Variants in CEP63 observed in about 807,000 individuals in gnomAD.
The protein encoded by CEP63 is centrosomal protein 63, also known as centrosomal protein of 63 kDa.
A neutral mutation model predicts 89.1 loss-of-function variants in CEP63; 84 were observed. That is an observed-to-expected ratio of 0.94 (90% CI 0.79 to 1.13). The LOEUF (loss-of-function observed/expected upper bound fraction) is 1.13, where lower values mean the gene tolerates loss of function less well. CEP63 is among the 50% of genes most tolerant of loss of function. The probability of loss-of-function intolerance (pLI) is 0.00; values close to 1 mark genes in which losing one functional copy is unlikely to be tolerated. For synonymous variants in CEP63, 267 were observed against 272.5 expected (o/e 0.98, Z 0.20); for missense variants, 838 against 813.3 (o/e 1.03, Z -0.37).
intron 2 of CEP63, among the ~76,000 whole-genome samples, chr3:134,496,593 G>A (rs1271577977): frequency 6.6e-6 from 1 of 152,176 alleles, no homozygotes; most frequent in Non-Finnish European, 1.5e-5. Flanking sequence ...TATCAAGACA[G>A]CTGTTTTGAG....
chr3:134,711,885 C>T, the CEP63 span, among the ~76,000 whole-genome samples: 57 of 151,750 alleles, frequency 3.8e-4, 1 homozygote, highest in East Asian at 0.01. Context: ...GCTTCAGGCT[C>T]CTGGGTAGCT....
the CEP63 span, among the ~76,000 whole-genome samples, chr3:134,659,772 A>C: frequency 6.6e-6 from 1 of 152,206 alleles, no homozygotes; most frequent in Non-Finnish European, 1.5e-5. Context: ...AGCTAAGAGC[A>C]GCCTTTTGAT....
the CEP63 span, among the ~76,000 whole-genome samples, chr3:134,756,830 G>A: frequency 6.6e-6 from 1 of 152,178 alleles, no homozygotes; most frequent in East Asian, 1.9e-4. Context: ...CCAGGGATGG[G>A]GGCACCTGTC....
the CEP63 span, among the ~76,000 whole-genome samples, chr3:134,671,765 G>A: frequency 6.6e-6 from 1 of 152,198 alleles, no homozygotes; most frequent in African/African-American, 2.4e-5. Context: ...GGTGGGGGTG[G>A]CCTGAATGAA....
chr3:134,533,419 C>T (rs1386251397), intron 5 of CEP63, among the ~76,000 whole-genome samples: 3 of 152,298 alleles, frequency 2.0e-5, no homozygotes, highest in South Asian at 2.1e-4. Context: ...TGGCACTTTT[C>T]GTACAAAGTA....
At chr3:134,743,778 A>G in the CEP63 span, among the ~76,000 whole-genome samples, 1 of 152,114 alleles carries the variant, frequency 6.6e-6, no homozygotes, top group African/African-American at 2.4e-5. Context: ...CATTGGAACA[A>G]TGTCCTCCCA....
Position 134,545,799 on chromosome 3 carries a change from G to C in CEP63, c.769G>C (p.Glu257Gln), listed in dbSNP as rs1953160168. ...GCAGCAAAAAGAAGAAAAATTGAGG[G>C]AATCTGAAAAACTATTAGAGGTATG... Reference protein sequence around the residue: ...EQQQKEEKLRESEKLLEALQE... With the variant: ...EQQQKEEKLRQSEKLLEALQE... Residue 257 changes from glutamate (E) to glutamine (Q), a missense_variant, in exon 7 of 15, where the codon GAA becomes CAA. Glu to Gln is a conservative substitution (Grantham distance 29). Transcript: ENST00000675561. 1 of 1,613,120 alleles carries C rather than the reference G, an allele frequency of 6.2e-7. No individual in the cohort carries two copies. The highest frequency in any genetic ancestry group is 8.5e-7 in the Non-Finnish European group (1 of 1,179,362).
upstream of CEP63, chr3:134,485,950 A>C (rs1048685483): frequency 2.0e-6 from 2 of 980,030 alleles, no homozygotes; most frequent in African/African-American, 3.6e-5. Context: ...GGAAACCCTT[A>C]CCGGCACCCG....
At chr3:134,558,665 A>G (rs1443061841) in intron 13 of CEP63, among the ~76,000 whole-genome samples, 1 of 152,210 alleles carries the variant, frequency 6.6e-6, no homozygotes, top group Non-Finnish European at 1.5e-5. Context: ...TTGGCTTTTT[A>G]TAAACAGCTT....
At position 134,487,596 on chromosome 3, in the gene CEP63, A is replaced by G. The variant is rs558615683; in HGVS notation, c.-26+1394A>G. 4.6e-5 allele frequency among the ~76,000 whole-genome samples: 7 copies of G among 152,336 alleles called. No individual in the cohort carries two copies. In the South Asian group the frequency reaches 1.4e-3, roughly 32 times the overall value. On this transcript the variant is annotated intron_variant, in intron 1 of 14. Transcript: ENST00000675561. ...AAAATGTCAACTTGACTTGAAATTCAGCTAAAGCCAACATTGACAGAAGGT... is the reference window on the plus strand; with the variant it reads ...AAAATGTCAACTTGACTTGAAATTCGGCTAAAGCCAACATTGACAGAAGGT...
intron 2 of CEP63, among the ~76,000 whole-genome samples, chr3:134,499,196 C>G (rs1427755081): frequency 6.6e-6 from 1 of 152,054 alleles, no homozygotes; most frequent in African/African-American, 2.4e-5. Context: ...CTTTTTATTC[C>G]TGGTTCAGTC....
At chr3:134,750,058 T>C in the CEP63 span, among the ~76,000 whole-genome samples, 1 of 152,352 alleles carries the variant, frequency 6.6e-6, no homozygotes, top group East Asian at 1.9e-4. Context: ...GAATAACACC[T>C]CATTTCACCT....
At chr3:134,540,344 T>TG (rs1366635702) in intron 6 of CEP63, among the ~76,000 whole-genome samples, 1 of 152,226 alleles carries the variant, frequency 6.6e-6, no homozygotes, top group Non-Finnish European at 1.5e-5. Context: ...GTAGAACATT[T>TG]AGTTTTTTAC....
At chr3:134,689,135 T>TTC in the CEP63 span, among the ~76,000 whole-genome samples, 1 of 151,856 alleles carries the variant, frequency 6.6e-6, no homozygotes, top group African/African-American at 2.4e-5. Context: ...TGGCCTCATT[T>TTC]TCTCTCTCTC....
chr3:134,553,060 A>G (rs1436585506), intron 12 of CEP63: 1 of 152,178 alleles, frequency 6.6e-6, no homozygotes, highest in Admixed American at 6.5e-5. Context: ...ATTCTGACCC[A>G]TCTTTTCTTG....
the CEP63 span, chr3:134,647,578 G>A: frequency 9.2e-3 from 7,160 of 779,944 alleles, 376 homozygotes; most frequent in African/African-American, 0.11. Context: ...TCTAGGTTAT[G>A]GTAGAGCAGG....
At chr3:134,488,679 T>C (rs1010427822) in intron 1 of CEP63, among the ~76,000 whole-genome samples, 4 of 152,134 alleles carry the variant, frequency 2.6e-5, no homozygotes, top group African/African-American at 9.7e-5. Flanking sequence ...CAAAAAGATA[T>C]TTACAAAATG....
chr3:134,535,431 T>G (rs1356121800), intron 5 of CEP63: 6 of 152,072 alleles, frequency 3.9e-5, no homozygotes, highest in African/African-American at 1.4e-4. Flanking sequence ...CATTTTTTCC[T>G]TGTTCATCAC....
chr3:134,724,680 T>C, the CEP63 span, among the ~76,000 whole-genome samples: 2 of 152,246 alleles, frequency 1.3e-5, no homozygotes, highest in Admixed American at 6.5e-5. Flanking sequence ...AGTTCATTTA[T>C]AGAGGAACAT....
Sources: allele counts gnomAD v4.1 joint callset (sites outside exome capture counted in the v4.1 genomes callset), GRCh38; gene constraint gnomAD v4.1.1; transcripts MANE v1.5; gene names NCBI Gene and HGNC (gene_info 2026-07-23, HGNC 2026-07-21).